PATJ: variants seen among roughly 807,000 people sequenced by gnomAD.
PATJ encodes the protein PATJ crumbs cell polarity complex component.
A neutral mutation model predicts 224.9 loss-of-function variants in PATJ; 190 were observed. The observed-to-expected ratio is 0.84, with a 90% CI of 0.75 to 0.95. PATJ has a LOEUF of 0.95. PATJ is among the 40% of genes least tolerant of loss of function. The probability of loss-of-function intolerance (pLI) is 0.00; values close to 1 mark genes in which losing one functional copy is unlikely to be tolerated. For missense variants in PATJ, 2,121 were observed against 2,270.3 expected, an observed-to-expected ratio of 0.93 and a Z score of 1.34; for synonymous variants, 769 against 820.3, an observed-to-expected ratio of 0.94 and a Z score of 1.07.
At chr1:61,882,967 C>T (rs2149067493) in intron 21 of PATJ, among the ~76,000 whole-genome samples, 1 of 151,898 alleles carries the variant, frequency 6.6e-6, no homozygotes. Flanking sequence ...TATGCATTAT[C>T]TTTTTATAGT....
intron 27 of PATJ, among the ~76,000 whole-genome samples, chr1:61,961,493 A>G (rs1681273369): frequency 6.6e-6 from 1 of 152,224 alleles, no homozygotes; most frequent in African/African-American, 2.4e-5. Context: ...CTTATTAGCT[A>G]CCAATTTGCA....
chr1:62,042,433 C>A (rs1020337816), intron 30 of PATJ, among the ~76,000 whole-genome samples: 1 of 152,066 alleles, frequency 6.6e-6, no homozygotes, highest in East Asian at 1.9e-4. Context: ...TCTTTTTCCC[C>A]CTTAGATGTT....
chr1:62,033,027 C>G (rs1649627491), intron 29 of PATJ, among the ~76,000 whole-genome samples: 1 of 152,230 alleles, frequency 6.6e-6, no homozygotes, highest in South Asian at 2.1e-4. Flanking sequence ...TTACCTCCAC[C>G]TGGTCTCTCC....
intron 26 of PATJ, among the ~76,000 whole-genome samples, chr1:61,923,705 G>T (rs528856355): frequency 8.6e-5 from 13 of 150,598 alleles, no homozygotes; most frequent in Non-Finnish European, 1.9e-4. Context: ...ATCACCTGAG[G>T]CCAGGAGTTT....
chr1:62,059,458 C>T (rs1285939089), intron 31 of PATJ, among the ~76,000 whole-genome samples: 1 of 151,882 alleles, frequency 6.6e-6, no homozygotes, highest in African/African-American at 2.4e-5. Context: ...CCCGTCTCTA[C>T]TAAAAATACA....
intron 31 of PATJ, among the ~76,000 whole-genome samples, chr1:62,076,392 G>A (rs1299859041): frequency 1.3e-5 from 2 of 152,106 alleles, no homozygotes; most frequent in Non-Finnish European, 2.9e-5. Flanking sequence ...TAGGTTGGAT[G>A]ACCTATAAAG....
At position 61,771,445 on chromosome 1, in the gene PATJ, A is replaced by G. The variant is rs1196337008; in HGVS notation, c.539A>G (p.Lys180Arg). ...GSVADRDQRL[K>R]ENDQILAINH... ...ACATGATTAAGGGATCAAAGATTAA[A>G]GGAAAATGATCAAATATTGGCCATT... The change falls in exon 6 of 44, where the codon AAG (lysine) becomes AGG (arginine). Residue 180 changes from lysine to arginine, a missense_variant. Lys to Arg is a conservative substitution (Grantham distance 26, BLOSUM62 2). Transcript: ENST00000642238. The G allele has an allele frequency of 6.3e-7, 1 of 1,589,060 alleles. No individual in the cohort carries two copies. Among genetic ancestry groups the G allele is most frequent in the Non-Finnish European group, 8.5e-7 (1 of 1,170,622 alleles).
rs186366126 is a variant in PATJ at position 61,768,854 on chromosome 1, C to G, written c.385-429C>G. Among the ~76,000 whole-genome samples, 19 of 151,796 alleles carry G rather than the reference C, an allele frequency of 1.3e-4. No homozygotes were observed. The East Asian group carries it at 3.7e-3, about 30-fold the overall frequency. Reference sequence around the variant, plus strand: ...GACGGAGACTGAAGTGAGCCGAGATCACGCCACTGCACTCTACCCTGGGCA... The same window carrying G: ...GACGGAGACTGAAGTGAGCCGAGATGACGCCACTGCACTCTACCCTGGGCA... On this transcript the variant is annotated intron_variant, in intron 4 of 43. Transcript: ENST00000642238.
chr1:62,084,668 A>T lies in PATJ; in HGVS notation c.4377+20A>T, dbSNP rs761391620. 6.2e-7 allele frequency: 1 copy of T among 1,611,422 alleles called. No individual in the cohort carries two copies. Among genetic ancestry groups the T allele is most frequent in the Non-Finnish European group, 8.5e-7 (1 of 1,178,980 alleles). On this transcript the variant is annotated intron_variant, in intron 33 of 43. Transcript: ENST00000642238. The stretch of plus-strand genomic sequence containing the variant: ...CCCTTGGTAAGTTTCTAGAAATAAA[A>T]TGTATCCACTGTCATAGAACTAGTT...
intron 29 of PATJ, among the ~76,000 whole-genome samples, chr1:62,025,611 A>T (rs1322129930): frequency 6.6e-6 from 1 of 152,222 alleles, no homozygotes; most frequent in South Asian, 2.1e-4. Flanking sequence ...ACTTGAGGCC[A>T]GGAGTTCGAG....
chr1:62,039,558 G>A (rs1029017600), intron 30 of PATJ, among the ~76,000 whole-genome samples: 9 of 152,208 alleles, frequency 5.9e-5, no homozygotes, highest in African/African-American at 2.2e-4. Flanking sequence ...TTATCATATA[G>A]TGGGCAGTGC....
chr1:62,052,751 AAAAAAAG>A (rs1653859269), intron 31 of PATJ, among the ~76,000 whole-genome samples: 1 of 152,174 alleles, frequency 6.6e-6, no homozygotes, highest in Non-Finnish European at 1.5e-5. Context: ...GTCTCAAAAA[AAAAAAAG>A]AAAAAAGAAT....
chr1:61,759,504 C>T (rs775833081), intron 1 of PATJ, among the ~76,000 whole-genome samples: 35 of 151,176 alleles, frequency 2.3e-4, no homozygotes, highest in Non-Finnish European at 4.7e-4. Context: ...CCACCTCCTG[C>T]GTTCAAGTGA....
At chr1:62,082,282 G>T (rs1210418668) in intron 32 of PATJ, among the ~76,000 whole-genome samples, 2 of 152,218 alleles carry the variant, frequency 1.3e-5, no homozygotes, top group African/African-American at 4.8e-5. Flanking sequence ...AACAAGATAT[G>T]TGAATACCCA....
chr1:62,003,061 A>G (rs944701069), intron 28 of PATJ, among the ~76,000 whole-genome samples: 2 of 152,202 alleles, frequency 1.3e-5, no homozygotes, highest in African/African-American at 4.8e-5. Flanking sequence ...TGATAGAGTT[A>G]GGCTGTAATA....
At chr1:62,127,638 T>C (rs1173726456) in intron 39 of PATJ, among the ~76,000 whole-genome samples, 1 of 152,042 alleles carries the variant, frequency 6.6e-6, no homozygotes, top group East Asian at 1.9e-4. Flanking sequence ...AAGCCCTGTC[T>C]CTACTAAAAA....
Position 62,114,092 on chromosome 1 carries a change from G to A in PATJ, c.4501G>A (p.Ala1501Thr), listed in dbSNP as rs1422185671. The A allele has an allele frequency of 4.3e-6, 7 of 1,614,036 alleles. No individual in the cohort carries two copies. The highest frequency in any genetic ancestry group is 5.9e-6 in the Non-Finnish European group (7 of 1,180,016). Residue 1501 changes from alanine to threonine, a missense_variant, in exon 35 of 44, where the codon GCC (alanine) becomes ACC (threonine). Coordinates refer to ENST00000642238, the MANE Select transcript of PATJ (RefSeq NM_001350145.3). The stretch of plus-strand genomic sequence containing the variant: ...CCTGAGGAACTCCAGCCACGAAGAA[G>A]CCATCACAGCCCTGAGGCAGACCCC... ...VDLRNSSHEEAITALRQTPQK... is the reference protein window; with the variant it reads ...VDLRNSSHEETITALRQTPQK...
At chr1:62,001,951 A>C (rs1179814672) in intron 28 of PATJ, among the ~76,000 whole-genome samples, 2 of 152,152 alleles carry the variant, frequency 1.3e-5, no homozygotes, top group Non-Finnish European at 2.9e-5. Flanking sequence ...TAAAGCTGAC[A>C]CTTGAGTTGG....
At chr1:62,136,722 TGAGACAGGGTCTCACTC>T (rs1379975316) in intron 41 of PATJ, among the ~76,000 whole-genome samples, 1 of 151,830 alleles carries the variant, frequency 6.6e-6, no homozygotes, top group Non-Finnish European at 1.5e-5. Flanking sequence ...GTTGTTTTTT[TGAGACAGGGTCTCACTC>T]TGTCCCCCAG....
Sources: allele counts gnomAD v4.1 joint callset (sites outside exome capture counted in the v4.1 genomes callset), GRCh38; gene constraint gnomAD v4.1.1; transcripts MANE v1.5; gene names NCBI Gene and HGNC (gene_info 2026-07-23, HGNC 2026-07-21).